Variants in OTC observed in about 807,000 individuals in gnomAD.
OTC encodes ornithine transcarbamylase, mitochondrial.
OTC carries 3 observed loss-of-function variants against 30.3 expected under a neutral mutation model. The ratio of observed to expected loss-of-function variants is 0.10; its 90% CI spans 0.05 to 0.26. The LOEUF (loss-of-function observed/expected upper bound fraction) is 0.26, where lower values mean the gene tolerates loss of function less well. OTC is among the 10% of genes least tolerant of loss of function. The probability of loss-of-function intolerance (pLI) is 1.00; values close to 1 mark genes in which losing one functional copy is unlikely to be tolerated. For synonymous variants in OTC, 111 were observed against 99.7 expected, an observed-to-expected ratio of 1.11 and a Z score of -0.67; for missense variants, 194 against 260.3, an observed-to-expected ratio of 0.75 and a Z score of 1.75.
the OTC span, among the ~76,000 whole-genome samples, chrX:38,339,209 G>A: frequency 1.8e-5 from 2 of 111,521 alleles, no homozygotes; most frequent in East Asian, 5.7e-4. Flanking sequence ...GGAAATCACT[G>A]TACCTTTCTG....
At chrX:38,362,075 G>A (rs2068274658) in intron 1 of OTC, among the ~76,000 whole-genome samples, 2 of 111,728 alleles carry the variant, frequency 1.8e-5, no homozygotes, top group South Asian at 7.4e-4. Flanking sequence ...ATCAAAAATA[G>A]CCAAACTCAT....
chrX:38,332,945 G>A, the OTC span, among the ~76,000 whole-genome samples: 5 of 111,425 alleles, frequency 4.5e-5, no homozygotes, highest in Admixed American at 3.8e-4. Flanking sequence ...CAGGCTGGGC[G>A]CAGTGGCTTA....
At chrX:38,339,657 C>T in the OTC span, among the ~76,000 whole-genome samples, 1 of 110,000 alleles carries the variant, frequency 9.1e-6, no homozygotes, top group South Asian at 3.9e-4. Context: ...TATGGAATTC[C>T]CCTATAATAG....
intron 4 of OTC, among the ~76,000 whole-genome samples, chrX:38,393,616 G>A (rs928333256): frequency 2.7e-5 from 3 of 112,012 alleles, no homozygotes; most frequent in Non-Finnish European, 5.6e-5. Context: ...TGGTTGGTTA[G>A]TGGGAACGGG....
At chrX:38,402,086 A>G (rs147281224) in intron 5 of OTC, among the ~76,000 whole-genome samples, 166 of 112,140 alleles carry the variant, frequency 1.5e-3, no homozygotes, top group African/African-American at 5.1e-3. Flanking sequence ...CTCTGAGGAG[A>G]CAAGATAAAC....
chrX:38,378,064 G>C (rs1033331631), intron 3 of OTC, among the ~76,000 whole-genome samples: 18 of 107,312 alleles, frequency 1.7e-4, no homozygotes, highest in African/African-American at 4.8e-4. Context: ...ACAAACTCCT[G>C]ACCTCAGGTG....
At chrX:38,365,905 G>A (rs1421838305) in intron 1 of OTC, among the ~76,000 whole-genome samples, 1 of 112,190 alleles carries the variant, frequency 8.9e-6, no homozygotes, top group Non-Finnish European at 1.9e-5. Context: ...CTCCTGGAGG[G>A]GTGGGGGAAA....
chrX:38,415,033 G>A (rs73198456), intron 9 of OTC, among the ~76,000 whole-genome samples: 2,321 of 110,498 alleles, frequency 0.021, 28 homozygotes, highest in Middle Eastern at 0.056. Flanking sequence ...GACTATCCAC[G>A]CTAAATTCCT....
chrX:38,354,933 G>A (rs1429261702), intron 1 of OTC, among the ~76,000 whole-genome samples: 2 of 111,465 alleles, frequency 1.8e-5, no homozygotes, highest in Non-Finnish European at 3.8e-5. Flanking sequence ...TGTCAACTCT[G>A]CCTGTTCTAT....
chrX:38,416,293 C>G (rs1304645174), intron 9 of OTC, among the ~76,000 whole-genome samples: 1 of 111,120 alleles, frequency 9.0e-6, no homozygotes, highest in African/African-American at 3.3e-5. Context: ...TCACTAATCG[C>G]ATCATTCTCT....
At chrX:38,334,725 T>C in the OTC span, among the ~76,000 whole-genome samples, 1 of 112,456 alleles carries the variant, frequency 8.9e-6, no homozygotes, top group Non-Finnish European at 1.9e-5. Flanking sequence ...TTATTTGTTT[T>C]GTTCCACCAA....
At chrX:38,332,755 C>A in the OTC span, among the ~76,000 whole-genome samples, 1 of 108,974 alleles carries the variant, frequency 9.2e-6, no homozygotes, top group Non-Finnish European at 1.9e-5. Context: ...GTTTCTTTCT[C>A]ACTAATGCTA....
At chrX:38,358,601 C>A (rs970127071) in intron 1 of OTC, among the ~76,000 whole-genome samples, 2 of 107,741 alleles carry the variant, frequency 1.9e-5, no homozygotes, top group Admixed American at 2.0e-4. Context: ...CATAACCCCC[C>A]CTCACTAGCT....
intron 1 of OTC, among the ~76,000 whole-genome samples, chrX:38,364,497 AAATC>A (rs2068285791): frequency 8.9e-6 from 1 of 112,283 alleles, no homozygotes; most frequent in Non-Finnish European, 1.9e-5. Context: ...GTCTTAGATT[AAATC>A]AGTCAATTGG....
chrX:38,398,508 C>CT (rs1484272344), intron 4 of OTC, among the ~76,000 whole-genome samples: 1 of 111,661 alleles, frequency 9.0e-6, no homozygotes, highest in South Asian at 3.7e-4. Context: ...TTAATCCAGA[C>CT]TTTTTTTATT....
At chrX:38,338,173 A>G in the OTC span, among the ~76,000 whole-genome samples, 1 of 112,285 alleles carries the variant, frequency 8.9e-6, no homozygotes, top group African/African-American at 3.2e-5. Flanking sequence ...ATCAGCATGC[A>G]GGATCAAACC....
At chrX:38,348,939 A>G (rs1290270518), upstream of OTC, among the ~76,000 whole-genome samples, 2 of 111,792 alleles carry the variant, frequency 1.8e-5, no homozygotes, top group Non-Finnish European at 3.8e-5. Context: ...CTATTTACAG[A>G]ATAACTGGGA....
At chrX:38,370,246 A>T (rs937347644) in intron 3 of OTC, among the ~76,000 whole-genome samples, 40 of 112,287 alleles carry the variant, frequency 3.6e-4, no homozygotes, top group African/African-American at 1.2e-3. Context: ...ATTCTGCTAG[A>T]TGGTGGAAAT....
the OTC span, among the ~76,000 whole-genome samples, chrX:38,342,136 C>T: frequency 2.8e-5 from 3 of 106,598 alleles, no homozygotes; most frequent in African/African-American, 6.9e-5. Context: ...TCTCCTGCCT[C>T]AGCCTCTCGA....
Sources: gnomAD v4.1 joint callset for allele counts (sites outside exome capture counted in the v4.1 genomes callset) on GRCh38, gnomAD v4.1.1 for gene constraint, MANE v1.5 for transcripts, NCBI Gene and HGNC (gene_info 2026-07-23, HGNC 2026-07-21) for gene names.